Variants in RARB observed in about 807,000 individuals in gnomAD.
The protein encoded by RARB is retinoic acid receptor beta.
A neutral mutation model predicts 51.9 loss-of-function variants in RARB; 17 were observed. The observed-to-expected ratio is 0.33, with a 90% CI of 0.22 to 0.49. The LOEUF (loss-of-function observed/expected upper bound fraction) is 0.49. Among genes scored for constraint, RARB ranks in the 20% least tolerant of loss-of-function variants. RARB has a pLI of 0.99. For missense variants in RARB, 369 were observed against 550.8 expected (o/e 0.67, Z 3.30); for synonymous variants, 215 against 195.4 (o/e 1.10, Z -0.84).
At chr3:25,205,960 A>G (rs1303083498) in intron 5 of RARB, among the ~76,000 whole-genome samples, 3 of 152,170 alleles carry the variant, frequency 2.0e-5, no homozygotes, top group African/African-American at 7.2e-5. Flanking sequence ...GCTTTATGTC[A>G]GATGATTTGG....
intron 3 of RARB, among the ~76,000 whole-genome samples, chr3:25,508,500 G>A (rs1227757856): frequency 9.2e-5 from 14 of 152,176 alleles, no homozygotes; most frequent in Non-Finnish European, 8.8e-5. Flanking sequence ...TGGTTCTACT[G>A]CTGGATTTTA....
intron 5 of RARB, among the ~76,000 whole-genome samples, chr3:25,581,409 A>C (rs1338667725): frequency 6.6e-6 from 1 of 152,108 alleles, no homozygotes; most frequent in African/African-American, 2.4e-5. Context: ...CCATCCAAGG[A>C]AACAGTCCCA....
At chr3:25,456,791 C>T (rs58305592) in intron 1 of RARB, among the ~76,000 whole-genome samples, 22,284 of 149,092 alleles carry the variant, frequency 0.15, 1,838 homozygotes, top group African/African-American at 0.2. Flanking sequence ...TCGTACATAA[C>T]GTTTTTCCCT....
intron 4 of RARB, 133 bp downstream of exon 4, chr3:25,570,051 GC>G: frequency 1.5e-6 from 2 of 1,300,892 alleles, no homozygotes; most frequent in Non-Finnish European, 2.1e-6. Flanking sequence ...GGGCTTGCAT[GC>G]TAGCCAGCTG....
intron 5 of RARB, among the ~76,000 whole-genome samples, chr3:25,397,779 A>G (rs1559384667): frequency 1.3e-5 from 2 of 152,112 alleles, no homozygotes; most frequent in Non-Finnish European, 2.9e-5. Context: ...TAATGCATTT[A>G]GCCTCAGTGG....
intron 5 of RARB, among the ~76,000 whole-genome samples, chr3:25,350,201 T>A (rs1380545537): frequency 6.6e-6 from 1 of 152,120 alleles, no homozygotes; most frequent in Non-Finnish European, 1.5e-5. Context: ...AAGGAGACAG[T>A]AGACACAGGG....
At chr3:25,064,367 C>CT (rs1218684805) in intron 3 of RARB, among the ~76,000 whole-genome samples, 1 of 151,998 alleles carries the variant, frequency 6.6e-6, no homozygotes, top group Admixed American at 6.6e-5. Context: ...CCCAAAGTAT[C>CT]TTTTTGATAT....
chr3:25,303,282 T>C (rs1704082899), intron 5 of RARB, among the ~76,000 whole-genome samples: 1 of 152,214 alleles, frequency 6.6e-6, no homozygotes, highest in African/African-American at 2.4e-5. Context: ...ATGCTGATTT[T>C]ATCCTCCCAA....
rs187928439 is a variant in RARB at position 25,585,852 on chromosome 3, G to A, written c.786+5130G>A. Among the ~76,000 whole-genome samples the A allele has an allele frequency of 2.6e-5, 4 of 152,338 alleles. No individual in the cohort carries two copies. In the East Asian group the frequency reaches 5.8e-4, roughly 22 times the overall value. On this transcript the variant is annotated intron_variant, in intron 5 of 7. Coordinates refer to ENST00000330688, the MANE Select transcript of RARB (RefSeq NM_000965.5). Reference sequence around the variant, plus strand: ...TGACTTTCCCCAGGTCGCGCAGCTAGTAAACAGTGGAGCCAGATGTTGAAC... The same window carrying A: ...TGACTTTCCCCAGGTCGCGCAGCTAATAAACAGTGGAGCCAGATGTTGAAC...
intron 3 of RARB, among the ~76,000 whole-genome samples, chr3:25,075,858 G>C (rs1455078420): frequency 6.6e-6 from 1 of 152,130 alleles, no homozygotes. Context: ...TCAACTGACC[G>C]ATGAATCAAC....
intron 2 of RARB, among the ~76,000 whole-genome samples, chr3:24,954,778 G>GAA (rs1181321332): frequency 2.0e-5 from 3 of 152,260 alleles, no homozygotes; most frequent in Admixed American, 2.0e-4. Flanking sequence ...GAATAAGATG[G>GAA]AAAAGTTCCT....
At chr3:25,259,435 T>G (rs978851654) in intron 5 of RARB, among the ~76,000 whole-genome samples, 13 of 152,150 alleles carry the variant, frequency 8.5e-5, no homozygotes, top group Non-Finnish European at 1.8e-4. Flanking sequence ...ACCTGGTGAA[T>G]AAAAATCTTC....
At chr3:24,867,892 C>G (rs145891807) in intron 2 of RARB, among the ~76,000 whole-genome samples, 1 of 152,082 alleles carries the variant, frequency 6.6e-6, no homozygotes, top group Non-Finnish European at 1.5e-5. Context: ...GAGTTCAAGT[C>G]AACCATAGGC....
intron 5 of RARB, among the ~76,000 whole-genome samples, chr3:25,278,629 A>G (rs1703450115): frequency 6.6e-6 from 1 of 152,194 alleles, no homozygotes. Context: ...AGATACCTTG[A>G]ACTGGTCATC....
intron 5 of RARB, among the ~76,000 whole-genome samples, chr3:25,175,460 C>T (rs952967669): frequency 6.6e-6 from 1 of 152,190 alleles, no homozygotes; most frequent in African/African-American, 2.4e-5. Flanking sequence ...AAGGACTTCC[C>T]CCAAATATTA....
At position 24,940,953 on chromosome 3, in the gene RARB, A is replaced by G. The variant is rs570370478; in HGVS notation, c.-380+82201A>G. 3.1e-3 allele frequency among the ~76,000 whole-genome samples: 472 copies of G among 152,306 alleles called. 2 individuals are homozygous for G. The highest frequency in any genetic ancestry group is 4.0e-3 in the Non-Finnish European group (270 of 68,028). ...ATAGTCAGTGAGGTAAATCCATCCC[A>G]GATAATTTCTAAAGAACTTTTAAGA... On this transcript the variant is annotated intron_variant, in intron 2 of 11. Transcript: ENST00000383772.
chr3:25,426,320 AACAC>A (rs1707986582), upstream of RARB, among the ~76,000 whole-genome samples: 2 of 152,272 alleles, frequency 1.3e-5, no homozygotes, highest in Admixed American at 6.5e-5. Context: ...AAAAATAACA[AACAC>A]AGATTCAGCA....
At chr3:25,135,203 G>C (rs191894688) in intron 4 of RARB, among the ~76,000 whole-genome samples, 1 of 151,568 alleles carries the variant, frequency 6.6e-6, no homozygotes, top group Non-Finnish European at 1.5e-5. Flanking sequence ...GCTATTGAGC[G>C]CTCAAAAATA....
chr3:25,562,731 C>T (rs541563217), intron 3 of RARB, among the ~76,000 whole-genome samples: 37 of 152,302 alleles, frequency 2.4e-4, no homozygotes, highest in Non-Finnish European at 4.0e-4. Context: ...CTTGCAAGGA[C>T]GCGCACCACA....
Sources: gnomAD v4.1 joint callset for allele counts (sites outside exome capture counted in the v4.1 genomes callset) on GRCh38, gnomAD v4.1.1 for gene constraint, MANE v1.5 for transcripts, NCBI Gene and HGNC (gene_info 2026-07-23, HGNC 2026-07-21) for gene names.